The following CELF2 variants were observed in gnomAD, a reference collection of about 807,000 sequenced individuals.
The protein encoded by CELF2 is CUG triplet repeat RNA-binding protein 2.
In CELF2, 8 loss-of-function variants were observed where a neutral mutation model predicts 62.6. That is an observed-to-expected ratio of 0.13 (90% CI 0.07 to 0.23). The LOEUF (loss-of-function observed/expected upper bound fraction) is 0.23. CELF2 is among the 10% of genes least tolerant of loss of function. The probability of loss-of-function intolerance (pLI) is 1.00; values close to 1 mark genes in which losing one functional copy is unlikely to be tolerated. For missense variants in CELF2, 333 were observed against 671.0 expected (o/e 0.50, Z 5.56); for synonymous variants, 258 against 250.0 (o/e 1.03, Z -0.30).
In CELF2 at chr10:11,302,788, CATG is replaced by C. The variant is rs2093887884; in HGVS notation, c.977-11349_977-11347del. Among the ~76,000 whole-genome samples, 1 of 152,206 alleles carries C rather than the reference CATG, an allele frequency of 6.6e-6. No homozygotes were observed. On this transcript the variant is annotated intron_variant, in intron 9 of 12. Coordinates refer to ENST00000633077, the MANE Select transcript of CELF2 (RefSeq NM_001326342.2). The surrounding 1 kb of genome is among the most constrained non-coding windows in gnomAD (Gnocchi z 5.0). ...CTTTGTTCTCGGGTCTCTAAATTGA[CATG>C]AGATTTTCACATTGTTCCGCTGTGC... is the stretch of plus-strand genomic sequence containing the variant.
intron 2 of CELF2, among the ~76,000 whole-genome samples, chr10:11,185,576 G>A (rs976918961): frequency 6.6e-5 from 10 of 152,078 alleles, no homozygotes; most frequent in African/African-American, 2.4e-4. Flanking sequence ...CAACATGCTT[G>A]GCTAATTTTG....
chr10:10,575,951 A>T, the CELF2 span, among the ~76,000 whole-genome samples: 1 of 152,236 alleles, frequency 6.6e-6, no homozygotes, highest in Non-Finnish European at 1.5e-5. Context: ...GATTCGGAGG[A>T]GTAAATCATA....
chr10:10,610,390 A>G, the CELF2 span, among the ~76,000 whole-genome samples: 1 of 152,234 alleles, frequency 6.6e-6, no homozygotes, highest in Non-Finnish European at 1.5e-5. Flanking sequence ...AAAATTTTTC[A>G]TTCTGAATTT....
rs2067005084 is a variant in CELF2, at chr10:11,165,944, C to T, written c.271+262C>T. On this transcript the variant is annotated intron_variant, in intron 2 of 12. Transcript: ENST00000633077. The surrounding 1 kb of genome is among the most constrained non-coding windows in gnomAD (Gnocchi z 7.4). ...CAGAGGCTCGGTCCAGGCGCGTGAT[C>T]GCTCCCGGGAGGTCACTTTCTAGGC... Among the ~76,000 whole-genome samples, 2 of 152,326 alleles carry T rather than the reference C, an allele frequency of 1.3e-5. No homozygotes were observed. Among genetic ancestry groups the T allele is most frequent in the African/African-American group, 2.4e-5 (1 of 41,568 alleles).
intron 2 of CELF2, chr10:10,946,498 A>G (rs574931526): frequency 2.0e-5 from 3 of 152,728 alleles, no homozygotes; most frequent in South Asian, 2.1e-4. Flanking sequence ...TGTACTGTAT[A>G]TGATAAAACT....
At position 11,237,988 on chromosome 10, in the gene CELF2, C is replaced by T. The variant is rs1336630183; in HGVS notation, c.355-11165C>T. Among the ~76,000 whole-genome samples the T allele has an allele frequency of 6.6e-6, 1 of 152,194 alleles. No homozygotes were observed. Among genetic ancestry groups the T allele is most frequent in the Non-Finnish European group, 1.5e-5 (1 of 68,038 alleles). ...CAGGTAATTAAACCACGCCTTTAGTCGCCTTTAATGGCCAGGTCAGGCATT... is the reference window on the plus strand; with the variant it reads ...CAGGTAATTAAACCACGCCTTTAGTTGCCTTTAATGGCCAGGTCAGGCATT... On this transcript the variant is annotated intron_variant, in intron 3 of 12. Coordinates refer to ENST00000633077, the MANE Select transcript of CELF2 (RefSeq NM_001326342.2). The surrounding 1 kb of genome is among the most constrained non-coding windows in gnomAD (Gnocchi z 4.0).
chr10:11,045,319 T>C (rs1447977209), intron 1 of CELF2, among the ~76,000 whole-genome samples: 1 of 152,164 alleles, frequency 6.6e-6, no homozygotes, highest in Non-Finnish European at 1.5e-5. Context: ...CTCATGCTGG[T>C]CTAGAACTCC....
At chr10:10,955,471 T>C (rs1010305488) in intron 2 of CELF2, among the ~76,000 whole-genome samples, 2 of 152,180 alleles carry the variant, frequency 1.3e-5, no homozygotes, top group African/African-American at 4.8e-5. Context: ...GCTCCTTGAG[T>C]GAGCCCGAAA....
chr10:10,857,648 A>AGT lies in CELF2; in HGVS notation c.53+58832_53+58833dup, dbSNP rs1425346747. ...TATATGTGGTAAACTACATATATAT[A>AGT]GTATATATATATATATATATATATA... On this transcript the variant is annotated intron_variant, in intron 1 of 13. Transcript: ENST00000636488. 2.3e-4 allele frequency among the ~76,000 whole-genome samples: 9 copies of AGT among 38,810 alleles called. 1 individual carries two copies. Among genetic ancestry groups the AGT allele is most frequent in the Middle Eastern group, 0.019 (1 of 52 alleles). 25.5% of individuals were successfully genotyped at this position (38,810 alleles called of 152,430 possible).
At chr10:10,494,869 G>A in the CELF2 span, among the ~76,000 whole-genome samples, 1 of 152,190 alleles carries the variant, frequency 6.6e-6, no homozygotes, top group Non-Finnish European at 1.5e-5. Flanking sequence ...AATGACAGTA[G>A]AGAAAATCAA....
intron 2 of CELF2, among the ~76,000 whole-genome samples, chr10:11,179,049 T>C (rs1193473366): frequency 6.6e-6 from 1 of 152,226 alleles, no homozygotes; most frequent in Non-Finnish European, 1.5e-5. Context: ...TTAAGTGATA[T>C]TTTAAGCAAA....
Position 11,165,797 on chromosome 10 carries a change from C to A in CELF2, c.271+115C>A. On this transcript the variant is annotated intron_variant, in intron 2 of 12. Coordinates refer to ENST00000633077, the MANE Select transcript of CELF2 (RefSeq NM_001326342.2). The surrounding 1 kb of genome is among the most constrained non-coding windows in gnomAD (Gnocchi z 7.4). The stretch of plus-strand genomic sequence containing the variant: ...GGCGGGTAGGCAGGAGGGCTGGAAG[C>A]AGCCGGTGCTGGCGGCCCCTGTGCT... 1.0e-6 allele frequency: 1 copy of A among 996,344 alleles called. No individual in the cohort carries two copies. The highest frequency in any genetic ancestry group is 1.4e-6 in the Non-Finnish European group (1 of 697,782). 61.7% of individuals were successfully genotyped at this position (996,344 alleles called of 1,614,324 possible).
At chr10:11,126,481 T>G (rs1401601875) in intron 1 of CELF2, among the ~76,000 whole-genome samples, 1 of 152,188 alleles carries the variant, frequency 6.6e-6, no homozygotes, top group Non-Finnish European at 1.5e-5. Flanking sequence ...TAGATACATA[T>G]ATATGTGTGT....
intron 3 of CELF2, among the ~76,000 whole-genome samples, chr10:11,226,600 C>CCACACACA (rs59521803): frequency 1.2e-4 from 3 of 25,896 alleles, no homozygotes; most frequent in African/African-American, 1.8e-4. Flanking sequence ...CAGGCAGTGG[C>CCACACACA]CACACACACA....
At chr10:10,991,119 C>T (rs899321465) in intron 2 of CELF2, among the ~76,000 whole-genome samples, 1 of 152,036 alleles carries the variant, frequency 6.6e-6, no homozygotes, top group African/African-American at 2.4e-5. Flanking sequence ...AAAACAGCGG[C>T]TTTAATCTCA....
At chr10:10,517,584 T>C in the CELF2 span, among the ~76,000 whole-genome samples, 1 of 152,282 alleles carries the variant, frequency 6.6e-6, no homozygotes, top group Non-Finnish European at 1.5e-5. Context: ...CTGGATCCCT[T>C]AGTGAAACGC....
At chr10:10,668,959 A>G in the CELF2 span, among the ~76,000 whole-genome samples, 1 of 152,186 alleles carries the variant, frequency 6.6e-6, no homozygotes, top group Non-Finnish European at 1.5e-5. Flanking sequence ...CCCTGACAAA[A>G]AAACAAACAA....
chr10:11,202,951 C>CTCTCTCTG (rs1338089859), intron 2 of CELF2, among the ~76,000 whole-genome samples: 63 of 53,862 alleles, frequency 1.2e-3, no homozygotes, highest in Non-Finnish European at 2.0e-3. Flanking sequence ...CTCTCTCTCT[C>CTCTCTCTG]TGTGTGTGTG....
chr10:11,043,804 C>T (rs376420253), intron 1 of CELF2, among the ~76,000 whole-genome samples: 109 of 152,334 alleles, frequency 7.2e-4, no homozygotes, highest in African/African-American at 2.5e-3. Context: ...ACCATCATCT[C>T]TCACCTGGAC....
Sources: gnomAD v4.1 joint callset for allele counts (sites outside exome capture counted in the v4.1 genomes callset) on GRCh38, gnomAD v4.1.1 for gene constraint, Gnocchi (gnomAD v3.1) non-coding constraint, MANE v1.5 for transcripts, NCBI Gene and HGNC (gene_info 2026-07-23, HGNC 2026-07-21) for gene names.